Variants in IKBKG observed in about 807,000 individuals in gnomAD.
The protein encoded by IKBKG is NF-kappa-B essential modulator.
IKBKG carries 2 observed loss-of-function variants against 13.7 expected under a neutral mutation model. That is an observed-to-expected ratio of 0.15 (90% CI 0.06 to 0.46). The LOEUF (loss-of-function observed/expected upper bound fraction) is 0.46, where lower values mean the gene tolerates loss of function less well. Among genes scored for constraint, IKBKG ranks in the 20% least tolerant of loss-of-function variants. IKBKG has a pLI of 0.98. For missense variants in IKBKG, 53 were observed against 150.3 expected, an observed-to-expected ratio of 0.35 and a Z score of 3.39; for synonymous variants, 22 against 64.4, an observed-to-expected ratio of 0.34 and a Z score of 3.15.
upstream of IKBKG, among the ~76,000 whole-genome samples, chrX:154,543,729 C>T (rs782412082): frequency 8.2e-5 from 9 of 110,127 alleles, no homozygotes; most frequent in African/African-American, 1.3e-4. Context: ...TCACTCACTC[C>T]GTCACCCAGG....
At chrX:154,551,787 A>T (rs1454890743) in intron 1 of IKBKG, among the ~76,000 whole-genome samples, 6 of 111,831 alleles carry the variant, frequency 5.4e-5, no homozygotes, top group Non-Finnish European at 9.4e-5. Flanking sequence ...GGCCTTTTCA[A>T]GTCCCACATG....
upstream of IKBKG, chrX:154,546,162 G>C (rs1557233228): frequency 8.3e-7 from 1 of 1,211,745 alleles, no homozygotes; most frequent in Admixed American, 2.2e-5. Context: ...CCATGACGCT[G>C]TCTGGTGGAA....
At chrX:154,551,729 C>T (rs782738025) in intron 1 of IKBKG, among the ~76,000 whole-genome samples, 33 of 111,127 alleles carry the variant, frequency 3.0e-4, no homozygotes, top group Non-Finnish European at 4.7e-4. Flanking sequence ...AGTCTTGTCC[C>T]GACTCTCCCA....
upstream of IKBKG, among the ~76,000 whole-genome samples, chrX:154,546,352 A>T (rs371755550): frequency 8.9e-6 from 1 of 111,883 alleles, no homozygotes; most frequent in East Asian, 2.8e-4. Flanking sequence ...GGCTCCAGCC[A>T]CTCTCTCCTA....
At chrX:154,548,620 G>A (rs1446682951) in intron 1 of IKBKG, among the ~76,000 whole-genome samples, 1 of 112,647 alleles carries the variant, frequency 8.9e-6, no homozygotes, top group Non-Finnish European at 1.9e-5. Flanking sequence ...CTGGAGTGCA[G>A]TGGCATGATC....
intron 1 of IKBKG, among the ~76,000 whole-genome samples, chrX:154,548,999 T>C (rs1557234396): frequency 1.9e-5 from 2 of 104,934 alleles, no homozygotes; most frequent in African/African-American, 6.9e-5. Context: ...TCTTTCTTTT[T>C]TTTTTTTTTT....
chrX:154,545,887 A>G (rs2070694925), upstream of IKBKG: 2 of 653,178 alleles, frequency 3.1e-6, no homozygotes, highest in Non-Finnish European at 4.8e-6. Flanking sequence ...CACCAGGTAG[A>G]GCCGGGATGA....
chrX:154,552,739 GGA>G (rs1257988018), intron 2 of IKBKG, among the ~76,000 whole-genome samples: 2 of 111,908 alleles, frequency 1.8e-5, no homozygotes, highest in East Asian at 5.6e-4. Context: ...ACACCTCAGC[GGA>G]GGTGAAGGCT....
chrX:154,541,936 G>T (rs993332212), intron 1 of IKBKG, among the ~76,000 whole-genome samples: 2 of 112,368 alleles, frequency 1.8e-5, no homozygotes, highest in African/African-American at 6.5e-5. Flanking sequence ...GGTCACTGGG[G>T]TTAAGGACCT....
upstream of IKBKG, chrX:154,546,764 G>C (rs1557233462): frequency 1.8e-6 from 2 of 1,134,274 alleles, no homozygotes; most frequent in South Asian, 3.9e-5. Context: ...TCCTCCGCCT[G>C]CGCGGCGCCC....
chrX:154,553,724 G>A (rs184311247), intron 2 of IKBKG, among the ~76,000 whole-genome samples: 1 of 113,034 alleles, frequency 8.8e-6, no homozygotes, highest in East Asian at 2.8e-4. Context: ...CACCTGTCCT[G>A]TTGTGACAAC....
intron 1 of IKBKG, chrX:154,542,231 C>G: frequency 5.2e-6 from 5 of 970,062 alleles, no homozygotes; most frequent in Non-Finnish European, 7.1e-6. Flanking sequence ...ACAGGCCCAT[C>G]ATTGGGATGC....
In IKBKG at chrX:154,551,969, T is replaced by C. The variant is rs371203594; in HGVS notation, c.-15-19T>C. 4.6e-4 allele frequency: 480 copies of C among 1,048,656 alleles called. No individual in the cohort carries two copies. The highest frequency in any genetic ancestry group is 5.7e-4 in the Non-Finnish European group (460 of 806,076). The allele number at this position is 1,048,656 out of a possible 1,213,427, so 86.4% of individuals were successfully genotyped here. On this transcript the variant is annotated intron_variant, in intron 1 of 9. Coordinates refer to ENST00000594239, the MANE Select transcript of IKBKG (RefSeq NM_001099857.5). ...GGATGTGGGTCTCCTGTGACTCCCC[T>C]GCTGCCTTTCTCTTTCAGCCCTTGC...
rs1468074938 is a variant in IKBKG, at chrX:154,551,855, CCACTTTAGCATCCTGATA to C, written c.-15-128_-15-111del. The C allele has an allele frequency of 1.2e-5, 6 of 488,743 alleles. No individual in the cohort carries two copies. In the South Asian group the frequency reaches 3.4e-4, roughly 28 times the overall value. 40.3% of individuals were successfully genotyped at this position (488,743 alleles called of 1,213,427 possible). A position where few individuals can be genotyped will look rare whatever the true frequency, so the allele number is the denominator to read the frequency against. ...ATCTGCTACCCCTTAGACTGAAAACCCACTTTAGCATCCTGATACACTAGGTGAATTATCAGCATTCTG... is the reference window on the plus strand; with the variant it reads ...ATCTGCTACCCCTTAGACTGAAAACCCACTAGGTGAATTATCAGCATTCTG... On this transcript the variant is annotated intron_variant, in intron 1 of 9. Transcript: ENST00000594239.
upstream of IKBKG, among the ~76,000 whole-genome samples, chrX:154,545,126 C>T (rs1283097688): frequency 1.8e-5 from 2 of 111,378 alleles, no homozygotes; most frequent in African/African-American, 3.3e-5. Flanking sequence ...GCTCTAGTCT[C>T]GGGCGATGGC....
intron 1 of IKBKG, chrX:154,541,397 A>G (rs1264281063): frequency 2.7e-5 from 3 of 111,606 alleles, no homozygotes; most frequent in Non-Finnish European, 5.7e-5. Flanking sequence ...GTGAGGTAAG[A>G]CGGACAGTAG....
intron 2 of IKBKG, among the ~76,000 whole-genome samples, chrX:154,553,276 G>A (rs1198289148): frequency 8.9e-6 from 1 of 112,498 alleles, no homozygotes; most frequent in African/African-American, 3.2e-5. Flanking sequence ...CATGTGCCGT[G>A]ACTACTAGAG....
chrX:154,542,648 T>C (rs1295312313), upstream of IKBKG, among the ~76,000 whole-genome samples: 1 of 112,027 alleles, frequency 8.9e-6, no homozygotes, highest in Non-Finnish European at 1.9e-5. Flanking sequence ...CAGGGTGTCC[T>C]GCTTGCCCAG....
upstream of IKBKG, among the ~76,000 whole-genome samples, chrX:154,544,830 T>C (rs994336709): frequency 9.8e-5 from 11 of 112,233 alleles, no homozygotes; most frequent in Non-Finnish European, 1.9e-4. Context: ...AGGAGTAGGT[T>C]TGACAAAGTG....
Sources: gnomAD v4.1 joint callset for allele counts (sites outside exome capture counted in the v4.1 genomes callset) on GRCh38, gnomAD v4.1.1 for gene constraint, MANE v1.5 for transcripts, NCBI Gene and HGNC (gene_info 2026-07-23, HGNC 2026-07-21) for gene names.